SPATA13: variants seen among roughly 807,000 people sequenced by gnomAD.
SPATA13 encodes the protein spermatogenesis associated 13, also known as spermatogenesis-associated protein 13.
Under a neutral mutation model 104.0 loss-of-function variants are expected in SPATA13, and 50 were observed. The ratio of observed to expected loss-of-function variants is 0.48; its 90% CI spans 0.38 to 0.61. The LOEUF (loss-of-function observed/expected upper bound fraction) is 0.61. Ranked by LOEUF, SPATA13 falls within the 20% of genes least tolerant of loss-of-function variation. The pLI is 0.00. For synonymous variants in SPATA13, 606 were observed against 667.5 expected (o/e 0.91, Z 1.42); for missense variants, 1,524 against 1,690.6 (o/e 0.90, Z 1.73).
chr13:24,064,618 A>AC (rs1468921865), intron 3 of SPATA13, among the ~76,000 whole-genome samples: 1 of 152,158 alleles, frequency 6.6e-6, no homozygotes, highest in East Asian at 1.9e-4. Flanking sequence ...CTCACCAGAC[A>AC]CTGAATCTTC....
chr13:24,080,412 A>G (rs749472745), intron 3 of SPATA13, among the ~76,000 whole-genome samples: 5 of 152,248 alleles, frequency 3.3e-5, no homozygotes, highest in Non-Finnish European at 5.9e-5. Flanking sequence ...CTTGGGCCCA[A>G]GTCACCTTGA....
At chr13:24,294,476 G>C (rs1593511284) in intron 9 of SPATA13, among the ~76,000 whole-genome samples, 1 of 152,198 alleles carries the variant, frequency 6.6e-6, no homozygotes, top group Non-Finnish European at 1.5e-5. Context: ...GGCATTTACT[G>C]TCATTCATTG....
chr13:24,248,887 T>C (rs981159144), intron 2 of SPATA13, among the ~76,000 whole-genome samples: 4 of 151,832 alleles, frequency 2.6e-5, no homozygotes, highest in African/African-American at 7.2e-5. Context: ...GATTTTCTTT[T>C]TTTTTTTTTT....
chr13:24,150,681 G>A (rs1882074004), intron 3 of SPATA13, among the ~76,000 whole-genome samples: 1 of 152,126 alleles, frequency 6.6e-6, no homozygotes, highest in Admixed American at 6.5e-5. Flanking sequence ...ACAGGGCAAG[G>A]CAGGCCACAG....
At chr13:24,080,542 G>A (rs1006464502) in intron 3 of SPATA13, among the ~76,000 whole-genome samples, 1 of 152,196 alleles carries the variant, frequency 6.6e-6, no homozygotes, top group Non-Finnish European at 1.5e-5. Flanking sequence ...ACAGCAGGTG[G>A]GAAGTCAAGC....
At position 24,290,633 on chromosome 13, in the gene SPATA13, C is replaced by T. The variant is rs114474726; in HGVS notation, c.2848-19C>T. ...AGAGGCACCCCAGAAGCTGACGAAG[C>T]TGTACTTTTCCTTCCCAGCAAGAGG... On this transcript the variant is annotated intron_variant, in intron 8 of 12. Coordinates refer to ENST00000382108, the MANE Select transcript of SPATA13 (RefSeq NM_001166271.3). 2,232 of 1,604,798 alleles carry T rather than the reference C, an allele frequency of 1.4e-3. 29 individuals carry two copies. In the African/African-American group the frequency reaches 0.027, roughly 20 times the overall value.
intron 1 of SPATA13, among the ~76,000 whole-genome samples, chr13:24,172,407 G>T (rs1384796020): frequency 6.6e-6 from 1 of 152,116 alleles, no homozygotes; most frequent in Non-Finnish European, 1.5e-5. Flanking sequence ...GATGCTTTTG[G>T]TACCAAGTCT....
At chr13:24,293,718 C>A (rs1349680088) in intron 9 of SPATA13, among the ~76,000 whole-genome samples, 4 of 152,190 alleles carry the variant, frequency 2.6e-5, no homozygotes, top group African/African-American at 7.2e-5. Flanking sequence ...TTTTGGCAGT[C>A]CCTGGTGTCA....
At chr13:24,242,311 T>A (rs1403204216) in intron 2 of SPATA13, among the ~76,000 whole-genome samples, 3 of 152,016 alleles carry the variant, frequency 2.0e-5, no homozygotes, top group Non-Finnish European at 4.4e-5. Flanking sequence ...TACACACACA[T>A]GGATGAATGG....
chr13:24,064,214 G>A (rs913529957), intron 3 of SPATA13, among the ~76,000 whole-genome samples: 6 of 152,134 alleles, frequency 3.9e-5, no homozygotes, highest in African/African-American at 1.2e-4. Flanking sequence ...CTCACAGTAC[G>A]TCAGTGTAAC....
chr13:24,075,475 T>C (rs1465367903), intron 3 of SPATA13, among the ~76,000 whole-genome samples: 3 of 152,216 alleles, frequency 2.0e-5, no homozygotes, highest in Non-Finnish European at 4.4e-5. Context: ...GCCAAGGGTT[T>C]AAATAAACTC....
chr13:24,107,810 G>A (rs927466720), intron 3 of SPATA13, among the ~76,000 whole-genome samples: 5 of 152,190 alleles, frequency 3.3e-5, no homozygotes, highest in African/African-American at 1.2e-4. Flanking sequence ...CTAATAAGAT[G>A]TGTACTGCTC....
At chr13:24,138,317 A>C (rs538562473) in intron 3 of SPATA13, among the ~76,000 whole-genome samples, 45 of 149,712 alleles carry the variant, frequency 3.0e-4, no homozygotes, top group Admixed American at 1.0e-3. Flanking sequence ...AAAAAAAAAA[A>C]AAAACAGTTT....
chr13:23,981,611 T>C (rs1425051597), intron 1 of SPATA13, among the ~76,000 whole-genome samples: 1 of 152,236 alleles, frequency 6.6e-6, no homozygotes, highest in Admixed American at 6.5e-5. Flanking sequence ...AGACCACAGC[T>C]GAGCTTGGAA....
Position 24,193,700 on chromosome 13 carries a change from C to T in SPATA13, c.-111-29119C>T, listed in dbSNP as rs74556707. ...TGAAAAGAGTCCCTTCGATTTGGCA[C>T]TTAGCTATGCTTTAGCAAATATCAG... On this transcript the variant is annotated intron_variant, in intron 1 of 12. Transcript: ENST00000382108. Among the ~76,000 whole-genome samples, 900 of 152,298 alleles carry T rather than the reference C, an allele frequency of 5.9e-3. 7 individuals are homozygous for T. Among genetic ancestry groups the T allele is most frequent in the African/African-American group, 0.02 (840 of 41,566 alleles).
intron 3 of SPATA13, among the ~76,000 whole-genome samples, chr13:24,150,577 A>G (rs9511089): frequency 0.45 from 67,717 of 151,990 alleles, 16,764 homozygotes; most frequent in Admixed American, 0.58. Flanking sequence ...AATTGCACAC[A>G]AATTTGAGGG....
intron 3 of SPATA13, among the ~76,000 whole-genome samples, chr13:24,028,720 G>A (rs73162165): frequency 0.24 from 36,653 of 152,010 alleles, 4,715 homozygotes; most frequent in Admixed American, 0.29. Context: ...ATGTTTGTCC[G>A]TTCTTACGCT....
At chr13:24,213,561 G>A (rs140232749) in intron 1 of SPATA13, among the ~76,000 whole-genome samples, 246 of 152,222 alleles carry the variant, frequency 1.6e-3, no homozygotes, top group African/African-American at 5.3e-3. Flanking sequence ...CACCATGCCC[G>A]GCCAGGGTCT....
In SPATA13 at chr13:24,212,140, C is replaced by T. The variant is rs1027640373; in HGVS notation, c.-111-10679C>T. Among the ~76,000 whole-genome samples, 8 of 152,062 alleles carry T rather than the reference C, an allele frequency of 5.3e-5. No homozygotes were observed. In the South Asian group the frequency reaches 1.5e-3, roughly 28 times the overall value. On this transcript the variant is annotated intron_variant, in intron 1 of 12. Coordinates refer to ENST00000382108, the MANE Select transcript of SPATA13 (RefSeq NM_001166271.3). ...GTTCAGAGATGAAGGAGGCCAGGTGCGGTGGCTCTTGCCTGTAGTCCCAGT... is the reference window on the plus strand; with the variant it reads ...GTTCAGAGATGAAGGAGGCCAGGTGTGGTGGCTCTTGCCTGTAGTCCCAGT...
Sources: gnomAD v4.1 joint callset for allele counts (sites outside exome capture counted in the v4.1 genomes callset) on GRCh38, gnomAD v4.1.1 for gene constraint, MANE v1.5 for transcripts, NCBI Gene and HGNC (gene_info 2026-07-23, HGNC 2026-07-21) for gene names.